Variants in IGFN1 observed in about 807,000 individuals in gnomAD.
IGFN1 encodes the protein immunoglobulin-like and fibronectin type III domain-containing protein 1.
In IGFN1, 253 loss-of-function variants were observed where a neutral mutation model predicts 289.5. That is an observed-to-expected ratio of 0.87 (90% CI 0.79 to 0.97). The LOEUF is 0.97. IGFN1 is among the 50% of genes least tolerant of loss of function. The pLI is 0.00. For missense variants in IGFN1, 4,470 were observed against 4,686.1 expected, an observed-to-expected ratio of 0.95 and a Z score of 1.35; for synonymous variants, 1,706 against 1,788.5, an observed-to-expected ratio of 0.95 and a Z score of 1.16.
intron 18 of IGFN1, among the ~76,000 whole-genome samples, chr1:201,219,951 C>CG (rs1344913786): frequency 6.7e-6 from 1 of 149,112 alleles, no homozygotes; most frequent in Non-Finnish European, 1.5e-5. Context: ...TTCCTTCTTT[C>CG]TCTCTCTCCT....
In IGFN1 at chr1:201,211,983, A is replaced by G. The variant is rs1667836336; in HGVS notation, c.7090A>G (p.Arg2364Gly). 1 of 1,535,398 alleles carries G rather than the reference A, an allele frequency of 6.5e-7. No individual in the cohort carries two copies. The highest frequency in any genetic ancestry group is 8.7e-7 in the Non-Finnish European group (1 of 1,146,212). The change falls in exon 12 of 24, where the codon AGG becomes GGG. Residue 2364 changes from arginine to glycine, a missense_variant. Around this residue, in one of 8 missense-constraint regions of IGFN1, gnomAD observed 2,218 missense variants for 2,114.1 expected, o/e 1.05. Transcript: ENST00000335211. Reference sequence around the variant, plus strand: ...GATGGGTTATGGAGATGGTTCAGGGAGGCTTGGAGTACCAGGCTCACTGGC... The same window carrying G: ...GATGGGTTATGGAGATGGTTCAGGGGGGCTTGGAGTACCAGGCTCACTGGC... ...GKMGYGDGSG[R>G]LGVPGSLAGI...
At position 201,228,659 on chromosome 1, in the gene IGFN1, A is replaced by C; in HGVS notation, c.*260A>C. 3.7e-6 allele frequency: 2 copies of C among 541,132 alleles called. No individual in the cohort carries two copies. Among genetic ancestry groups the C allele is most frequent in the East Asian group, 3.1e-5 (1 of 31,830 alleles). 33.5% of individuals were successfully genotyped at this position (541,132 alleles called of 1,614,324 possible). ...AGCGAACCTCCTGGACCCTCACCAT[A>C]TGGGTTTCTTTCTTCTTCGCTTCAG... On this transcript the variant is annotated 3_prime_UTR_variant, in exon 24 of 24. Coordinates refer to ENST00000335211, the MANE Select transcript of IGFN1 (RefSeq NM_001164586.2).
Position 201,211,285 on chromosome 1 carries a change from C to G in IGFN1, c.6392C>G (p.Ser2131Cys), listed in dbSNP as rs747747959. The G allele has an allele frequency of 1.3e-6, 2 of 1,529,136 alleles. No homozygotes were observed. The highest frequency in any genetic ancestry group is 1.7e-4 in the Middle Eastern group (1 of 5,948). 94.7% of individuals were successfully genotyped at this position (1,529,136 alleles called of 1,614,324 possible). Residue 2131 changes from serine (S) to cysteine (C), a missense_variant, in exon 12 of 24, where the codon TCT (serine) becomes TGT (cysteine). Physicochemically the swap from Ser to Cys is moderately radical, Grantham distance 112. Coordinates refer to ENST00000335211, the MANE Select transcript of IGFN1 (RefSeq NM_001164586.2). ...GGTTTTAGGGATGGTTTAGGGAGTT[C>G]TACAGAAATGGGGTCAGTGAATGAG... ...KAGFRDGLGSSTEMGSVNEAG... is the reference protein window; with the variant it reads ...KAGFRDGLGSCTEMGSVNEAG...
intron 16 of IGFN1, 151 bp from the exon 17 acceptor site, chr1:201,217,136 A>T: frequency 1.5e-6 from 1 of 671,072 alleles, no homozygotes; most frequent in Non-Finnish European, 2.5e-6. Flanking sequence ...CAGAACACTG[A>T]CCTAGGGCGG....
chr1:201,201,987 G>A lies in IGFN1; in HGVS notation c.747+155G>A, dbSNP rs189445302. ...CCCATGGAGTTCCTGGCTGGACCTG[G>A]ACCAAACCCTGGTGTAGACCATCCA... On this transcript the variant is annotated intron_variant, in intron 9 of 23. Transcript: ENST00000335211. 2.2e-3 allele frequency among the ~76,000 whole-genome samples: 331 copies of A among 152,226 alleles called. 3 individuals carry two copies. The highest frequency in any genetic ancestry group is 2.9e-3 in the East Asian group (15 of 5,164).
chr1:201,214,117 C>T, intron 12 of IGFN1, 60 bp from the exon 13 acceptor site: 2 of 1,498,064 alleles, frequency 1.3e-6, no homozygotes, highest in Non-Finnish European at 1.8e-6. Flanking sequence ...CCTTGCGGGG[C>T]ACAGCGCAGG....
At chr1:201,220,764 A>G (rs1305968309) in intron 18 of IGFN1, among the ~76,000 whole-genome samples, 1 of 152,242 alleles carries the variant, frequency 6.6e-6, no homozygotes, top group Non-Finnish European at 1.5e-5. Flanking sequence ...TTCAAACTTC[A>G]TTGCATATGT....
At chr1:201,222,505 C>T in intron 19 of IGFN1, 1 of 442,388 alleles carries the variant, frequency 2.3e-6, no homozygotes. Context: ...TGCAGGGTTC[C>T]TTTCTCAGCT....
At position 201,207,382 on chromosome 1, in the gene IGFN1, G is replaced by A. The variant is rs1010017959; in HGVS notation, c.2489G>A (p.Gly830Asp). Residue 830 changes from glycine (G) to aspartate (D), a missense_variant, in exon 12 of 24, where the codon GGC (glycine) becomes GAC (aspartate). Gly to Asp is a moderately conservative substitution (Grantham distance 94, BLOSUM62 -1). Transcript: ENST00000335211. The part of the protein sequence containing the change: ...TAGHRAAGGI[G>D]RIESKGTSPW... ...GGTCACAGAGCAGCAGGGGGTATTG[G>A]CAGAATAGAATCTAAGGGCACAAGT... The A allele has an allele frequency of 6.5e-7, 1 of 1,536,626 alleles. No homozygotes were observed. The highest frequency in any genetic ancestry group is 1.4e-5 in the African/African-American group (1 of 73,106).
chr1:201,197,101 T>A, intron 4 of IGFN1, 117 bp from the exon 5 acceptor site: 1 of 609,790 alleles, frequency 1.6e-6, no homozygotes, highest in Non-Finnish European at 3.0e-6. Context: ...GACTGTGAGC[T>A]CCATGAGGAC....
intron 9 of IGFN1, among the ~76,000 whole-genome samples, chr1:201,202,061 G>A (rs1667189617): frequency 6.6e-6 from 1 of 152,096 alleles, no homozygotes; most frequent in African/African-American, 2.4e-5. Context: ...TCTCCAGCTG[G>A]GCCTGTGATT....
At chr1:201,222,893 T>C (rs1653829685) in intron 20 of IGFN1, 66 bp downstream of exon 20, 7 of 1,094,572 alleles carry the variant, frequency 6.4e-6, no homozygotes, top group Non-Finnish European at 9.5e-6. Flanking sequence ...GACTCAGCCC[T>C]GTGGCTCTCT....
rs1012705518 is a variant in IGFN1 at position 201,200,399 on chromosome 1, C to G, written c.621C>G (p.Asp207Glu). 6.4e-7 allele frequency: 1 copy of G among 1,551,414 alleles called. No homozygotes were observed. The highest frequency in any genetic ancestry group is 8.7e-7 in the Non-Finnish European group (1 of 1,146,890). The change falls in exon 8 of 24, where the codon GAC becomes GAG. Residue 207 changes from aspartate to glutamate, a missense_variant. Asp to Glu is a conservative substitution (Grantham distance 45, BLOSUM62 2). Transcript: ENST00000335211. ...AGGAGATGAAGAAGGAACAGGAGGA[C>G]AAGATGGCACAGGTGCCTCACCCCA... is the stretch of plus-strand genomic sequence containing the variant. ...RLQEMKKEQE[D>E]KMAQYINTIS...
chr1:201,194,913 C>A (rs1666825209), intron 3 of IGFN1, among the ~76,000 whole-genome samples: 1 of 152,168 alleles, frequency 6.6e-6, no homozygotes, highest in Non-Finnish European at 1.5e-5. Context: ...GGGAAGGGCC[C>A]TTGGGCCTTT....
At chr1:201,227,313 G>T in intron 23 of IGFN1, 105 bp downstream of exon 23, 1 of 839,246 alleles carries the variant, frequency 1.2e-6, no homozygotes, top group South Asian at 1.8e-5. Flanking sequence ...TCAGCCGGGA[G>T]TCAGGAGACC....
chr1:201,206,130 C>T lies in IGFN1; in HGVS notation c.1237C>T (p.Gln413Ter), dbSNP rs1435935496. 4 of 1,550,760 alleles carry T rather than the reference C, an allele frequency of 2.6e-6. No homozygotes were observed. Among genetic ancestry groups the T allele is most frequent in the Non-Finnish European group, 3.5e-6 (4 of 1,146,964 alleles). ...LQSTSADHKL[Q>*]RQGAQASGAE... Reference sequence around the variant, plus strand: ...GTCCACAAGTGCTGACCACAAACTGCAGAGGCAAGGAGCCCAGGCATCAGG... The same window carrying T: ...GTCCACAAGTGCTGACCACAAACTGTAGAGGCAAGGAGCCCAGGCATCAGG... Residue 413 changes from glutamine to a stop codon, truncating the protein, a stop_gained, in exon 12 of 24, where the codon CAG becomes TAG. Transcript: ENST00000335211. LOFTEE classifies it high-confidence loss of function.
At position 201,203,704 on chromosome 1, in the gene IGFN1, T is replaced by G. The variant is rs1572173068; in HGVS notation, c.748-34T>G. 1.9e-6 allele frequency: 3 copies of G among 1,547,852 alleles called. No homozygotes were observed. In the Admixed American group the frequency reaches 5.9e-5, roughly 30 times the overall value. On this transcript the variant is annotated intron_variant, in intron 9 of 23. Coordinates refer to ENST00000335211, the MANE Select transcript of IGFN1 (RefSeq NM_001164586.2). Reference sequence around the variant, plus strand: ...GGGGCAGGAAGCACTGAGGACCCACTGAGGCCCGCCTCCTCTTCCTTTTCT... The same window carrying G: ...GGGGCAGGAAGCACTGAGGACCCACGGAGGCCCGCCTCCTCTTCCTTTTCT...
chr1:201,211,398 G>T lies in IGFN1; in HGVS notation c.6505G>T (p.Glu2169Ter). Residue 2169 changes from glutamate to a stop codon, truncating the protein, a stop_gained, in exon 12 of 24, where the codon GAA becomes TAA. Transcript: ENST00000335211. LOFTEE classifies it high-confidence loss of function. The stretch of plus-strand genomic sequence containing the variant: ...TAGGGATGGTTTAGGGAGTTCTGGG[G>T]AAATGGGGTCAATGGATGAGGCAGG... ...GFRDGLGSSG[E>*]MGSMDEAGYR... The T allele has an allele frequency of 6.7e-7, 1 of 1,491,728 alleles. No homozygotes were observed. Among genetic ancestry groups the T allele is most frequent in the Non-Finnish European group, 8.9e-7 (1 of 1,119,082 alleles). 92.4% of individuals were successfully genotyped at this position (1,491,728 alleles called of 1,614,324 possible).
intron 18 of IGFN1, among the ~76,000 whole-genome samples, chr1:201,219,094 C>T (rs575608367): frequency 4.6e-5 from 7 of 151,536 alleles, no homozygotes; most frequent in Non-Finnish European, 7.4e-5. Context: ...TTTTCAAGAT[C>T]ACTTCACTCA....
Sources: gnomAD v4.1 joint callset for allele counts (sites outside exome capture counted in the v4.1 genomes callset) on GRCh38, gnomAD v4.1.1 for gene constraint, gnomAD v4.1.1 regional missense constraint, MANE v1.5 for transcripts, NCBI Gene and HGNC (gene_info 2026-07-23, HGNC 2026-07-21) for gene names.